The following IMMP2L variants were observed in gnomAD, a reference collection of about 807,000 sequenced individuals.
IMMP2L encodes the protein inner mitochondrial membrane peptidase subunit 2, also known as mitochondrial inner membrane protease subunit 2.
In IMMP2L, 18 loss-of-function variants were observed where a neutral mutation model predicts 19.3. The ratio of observed to expected loss-of-function variants is 0.93; its 90% CI spans 0.64 to 1.38. The LOEUF (loss-of-function observed/expected upper bound fraction) is 1.38, where lower values mean the gene tolerates loss of function less well. IMMP2L is among the 40% of genes most tolerant of loss of function. The probability of loss-of-function intolerance (pLI) is 0.00; values close to 1 mark genes in which losing one functional copy is unlikely to be tolerated. For synonymous variants in IMMP2L, 76 were observed against 73.0 expected (o/e 1.04, Z -0.21); for missense variants, 233 against 218.2 (o/e 1.07, Z -0.43).
chr7:111,342,931 T>G (rs1827170272), intron 3 of IMMP2L, among the ~76,000 whole-genome samples: 1 of 152,028 alleles, frequency 6.6e-6, no homozygotes, highest in Non-Finnish European at 1.5e-5. Context: ...ACAAACCATG[T>G]ATATGCTAAA....
At chr7:111,383,205 A>T (rs934781101) in intron 3 of IMMP2L, among the ~76,000 whole-genome samples, 2 of 152,030 alleles carry the variant, frequency 1.3e-5, no homozygotes, top group African/African-American at 2.4e-5. Flanking sequence ...TATAACCCTA[A>T]TTAGTTCCTT....
chr7:111,159,364 T>C (rs1220324519), intron 3 of IMMP2L, among the ~76,000 whole-genome samples: 1 of 152,118 alleles, frequency 6.6e-6, no homozygotes, highest in African/African-American at 2.4e-5. Flanking sequence ...TCCACCCACC[T>C]CGGCCTCCCA....
chr7:111,119,385 C>G (rs1800303643), intron 3 of IMMP2L, among the ~76,000 whole-genome samples: 1 of 152,156 alleles, frequency 6.6e-6, no homozygotes, highest in African/African-American at 2.4e-5. Context: ...AAGAAATCAA[C>G]CATATCTAAG....
intron 1 of IMMP2L, among the ~76,000 whole-genome samples, chr7:111,539,538 T>C (rs1452797104): frequency 1.3e-5 from 2 of 152,070 alleles, no homozygotes; most frequent in Admixed American, 6.6e-5. Flanking sequence ...GGTCTCCTAA[T>C]GATTCCCTGG....
intron 3 of IMMP2L, among the ~76,000 whole-genome samples, chr7:111,103,045 G>A (rs1798151174): frequency 6.6e-6 from 1 of 151,446 alleles, no homozygotes; most frequent in Non-Finnish European, 1.5e-5. Flanking sequence ...ATTGATCATA[G>A]TGACTTCACA....
intron 3 of IMMP2L, among the ~76,000 whole-genome samples, chr7:111,486,889 C>A (rs1450281155): frequency 6.6e-6 from 1 of 152,054 alleles, no homozygotes; most frequent in Non-Finnish European, 1.5e-5. Context: ...TTAATCTATA[C>A]AAACCAAGAA....
At chr7:110,901,460 A>G (rs1811853223) in intron 4 of IMMP2L, among the ~76,000 whole-genome samples, 1 of 152,166 alleles carries the variant, frequency 6.6e-6, no homozygotes, top group Non-Finnish European at 1.5e-5. Flanking sequence ...AGATATCTTC[A>G]GGTAACACAG....
chr7:110,983,174 G>C (rs982065060), intron 3 of IMMP2L, among the ~76,000 whole-genome samples: 4 of 151,724 alleles, frequency 2.6e-5, no homozygotes, highest in African/African-American at 4.8e-5. Context: ...GAAGTTATTG[G>C]CTATTATTAT....
intron 3 of IMMP2L, among the ~76,000 whole-genome samples, chr7:111,486,582 TTA>T (rs1201539173): frequency 6.7e-6 from 1 of 148,958 alleles, no homozygotes; most frequent in African/African-American, 2.6e-5. Flanking sequence ...TAGTGTAAAT[TTA>T]CTTTTAAAGC....
rs941413405 is a variant in IMMP2L at position 110,728,388 on chromosome 7, A to T, written c.409-64667T>A. On this transcript the variant is annotated intron_variant, in intron 5 of 5. Transcript: ENST00000405709. The surrounding 1 kb of genome is among the most constrained non-coding windows in gnomAD (Gnocchi z 4.6). ...GTGGTGTGTGCCTGTAAACCCAGCT[A>T]CTCGGGAGGCTGAGGCACGAGAATC... 3.3e-5 allele frequency among the ~76,000 whole-genome samples: 5 copies of T among 151,942 alleles called. No individual in the cohort carries two copies. Among genetic ancestry groups the T allele is most frequent in the African/African-American group, 1.2e-4 (5 of 41,348 alleles).
intron 5 of IMMP2L, among the ~76,000 whole-genome samples, chr7:110,706,824 T>A (rs915648390): frequency 6.6e-6 from 1 of 152,102 alleles, no homozygotes; most frequent in African/African-American, 2.4e-5. Context: ...TAGTTTCTTT[T>A]GCTGTGCAGA....
intron 3 of IMMP2L, among the ~76,000 whole-genome samples, chr7:111,218,142 C>CT (rs1812150972): frequency 6.6e-6 from 1 of 152,026 alleles, no homozygotes. Flanking sequence ...AATTGTTTAG[C>CT]TTAGCATTTA....
intron 2 of IMMP2L, among the ~76,000 whole-genome samples, chr7:111,489,027 C>T (rs1409688425): frequency 1.4e-5 from 2 of 147,452 alleles, no homozygotes; most frequent in Non-Finnish European, 3.0e-5. Flanking sequence ...TATTCATGTC[C>T]TCAATCCACT....
Position 110,870,258 on chromosome 7 carries a change from T to C in IMMP2L, c.408+16335A>G, listed in dbSNP as rs1049664837. Among the ~76,000 whole-genome samples the C allele has an allele frequency of 1.3e-5, 2 of 152,152 alleles. No homozygotes were observed. Among genetic ancestry groups the C allele is most frequent in the Admixed American group, 1.3e-4 (2 of 15,250 alleles). On this transcript the variant is annotated intron_variant, in intron 5 of 5. Coordinates refer to ENST00000405709, the MANE Select transcript of IMMP2L (RefSeq NM_032549.4). The surrounding 1 kb of genome is among the most constrained non-coding windows in gnomAD (Gnocchi z 4.2). ...TTTTAAGTGCATTTCATTCTCTTTTTTCCAAAGATGTCAGATGTCCTTCTT... is the reference window on the plus strand; with the variant it reads ...TTTTAAGTGCATTTCATTCTCTTTTCTCCAAAGATGTCAGATGTCCTTCTT...
chr7:110,788,638 T>C (rs1260871649), intron 5 of IMMP2L, among the ~76,000 whole-genome samples: 1 of 151,676 alleles, frequency 6.6e-6, no homozygotes, highest in East Asian at 1.9e-4. Flanking sequence ...TTATTTGACA[T>C]CTCCACTTAG....
At chr7:110,818,473 G>A (rs1265676447) in intron 5 of IMMP2L, among the ~76,000 whole-genome samples, 14 of 152,086 alleles carry the variant, frequency 9.2e-5, no homozygotes, top group Admixed American at 8.5e-4. Context: ...AACAGGTGCT[G>A]GAGAGGATGT....
Position 110,981,568 on chromosome 7 carries a change from GA to G in IMMP2L, c.240-18004del, listed in dbSNP as rs201441108. Among the ~76,000 whole-genome samples the G allele has an allele frequency of 5.8e-3, 824 of 142,660 alleles. 12 individuals carry two copies. Among genetic ancestry groups the G allele is most frequent in the African/African-American group, 0.019 (755 of 39,190 alleles). The allele number at this position is 142,660 out of a possible 152,430, so 93.6% of individuals were successfully genotyped here. A position where few individuals can be genotyped will look rare whatever the true frequency, so the allele number is the denominator to read the frequency against. ...AAAAAAAACCTAGTACTTTTTATTT[GA>G]AAAAAAAAAAGATTGAAGTGATAAG... On this transcript the variant is annotated intron_variant, in intron 3 of 5. Coordinates refer to ENST00000405709, the MANE Select transcript of IMMP2L (RefSeq NM_032549.4).
rs990991475 is a variant in IMMP2L at position 110,884,522 on chromosome 7, G to A, written c.408+2071C>T. On this transcript the variant is annotated intron_variant, in intron 5 of 5. Coordinates refer to ENST00000405709, the MANE Select transcript of IMMP2L (RefSeq NM_032549.4). The stretch of plus-strand genomic sequence containing the variant: ...AATTGGCAAATCCATATCATGGGAC[G>A]ATAGGACATTTTCCATCATTGTGCA... Among the ~76,000 whole-genome samples, 19 of 151,946 alleles carry A rather than the reference G, an allele frequency of 1.3e-4. No individual in the cohort carries two copies. In the East Asian group the frequency reaches 1.7e-3, roughly 14 times the overall value.
chr7:111,016,760 T>A (rs1825647108), intron 3 of IMMP2L, among the ~76,000 whole-genome samples: 1 of 95,328 alleles, frequency 1.0e-5, no homozygotes, highest in Non-Finnish European at 1.8e-5. Flanking sequence ...TATATAAATA[T>A]AGTTTATATA....
Sources: allele counts gnomAD v4.1 joint callset (sites outside exome capture counted in the v4.1 genomes callset), GRCh38; gene constraint gnomAD v4.1.1; non-coding constraint Gnocchi (gnomAD v3.1); transcripts MANE v1.5; gene names NCBI Gene and HGNC (gene_info 2026-07-23, HGNC 2026-07-21).